LDHC: variants seen among roughly 807,000 people sequenced by gnomAD.
LDHC encodes the protein L-lactate dehydrogenase C chain.
A neutral mutation model predicts 30.2 loss-of-function variants in LDHC; 20 were observed. The observed-to-expected ratio is 0.66, with a 90% CI of 0.47 to 0.96. The LOEUF is 0.96. Ranked by LOEUF, LDHC falls within the 40% of genes least tolerant of loss-of-function variation. The probability of loss-of-function intolerance (pLI) is 0.00; values close to 1 mark genes in which losing one functional copy is unlikely to be tolerated. For missense variants in LDHC, 362 were observed against 394.9 expected (o/e 0.92, Z 0.71); for synonymous variants, 139 against 132.7 (o/e 1.05, Z -0.32).
At chr11:18,420,658 A>G (rs2134049625) in intron 3 of LDHC, among the ~76,000 whole-genome samples, 1 of 151,506 alleles carries the variant, frequency 6.6e-6, no homozygotes, top group East Asian at 1.9e-4. Flanking sequence ...AAAAAAAAAA[A>G]AAAAAAAGGA....
At chr11:18,447,617 T>C (rs1057233919) in intron 7 of LDHC, among the ~76,000 whole-genome samples, 5 of 152,202 alleles carry the variant, frequency 3.3e-5, no homozygotes, top group African/African-American at 1.2e-4. Flanking sequence ...CAGGGAAGAC[T>C]GTGAGCCATG....
At chr11:18,412,968 T>A in intron 2 of LDHC, 125 bp downstream of exon 2, 1 of 428,458 alleles carries the variant, frequency 2.3e-6, no homozygotes, top group Non-Finnish European at 4.0e-6. Context: ...TGACCTTTCC[T>A]CCCTCCCTCC....
chr11:18,412,893 G>C (rs1441878845), intron 2 of LDHC, 50 bp downstream of exon 2: 1 of 1,581,180 alleles, frequency 6.3e-7, no homozygotes, highest in African/African-American at 1.3e-5. Context: ...GCACTTCAGA[G>C]TGTTGTATAT....
intron 6 of LDHC, among the ~76,000 whole-genome samples, chr11:18,443,460 CTTTTTTT>C (rs34546967): frequency 7.4e-6 from 1 of 135,758 alleles, no homozygotes; most frequent in Admixed American, 7.5e-5. Context: ...TTCTTTCTTT[CTTTTTTT>C]TTTTTTTTTT....
chr11:18,448,754 T>G (rs1312581182), intron 7 of LDHC, among the ~76,000 whole-genome samples: 1 of 151,930 alleles, frequency 6.6e-6, no homozygotes, highest in African/African-American at 2.4e-5. Flanking sequence ...GATTTTTTTT[T>G]TGTGTGTCAA....
intron 7 of LDHC, among the ~76,000 whole-genome samples, chr11:18,448,603 C>T (rs1014049015): frequency 2.0e-5 from 3 of 152,138 alleles, no homozygotes; most frequent in African/African-American, 7.2e-5. Flanking sequence ...TTATAGGGAA[C>T]ATTTAAACAT....
chr11:18,441,850 G>A (rs1264709191), intron 6 of LDHC, among the ~76,000 whole-genome samples: 3 of 152,086 alleles, frequency 2.0e-5, no homozygotes, highest in East Asian at 3.9e-4. Flanking sequence ...AGGTTGCTGT[G>A]AGTTGAGGTT....
At position 18,446,270 on chromosome 11, in the gene LDHC, G is replaced by A; in HGVS notation, c.771G>A (p.Met257Ile). The A allele has an allele frequency of 1.2e-6, 2 of 1,600,446 alleles. No individual in the cohort carries two copies. The change falls in exon 7 of 8, where the codon ATG (methionine) becomes ATA (isoleucine). Residue 257 changes from methionine to isoleucine, a missense_variant. Met to Ile is a conservative substitution (Grantham distance 10). Transcript: ENST00000541669. ...CTTGGGCTATTGGACTGTCTGTGAT[G>A]GATTTGGTAGGATCCATTTTGAAAA... The part of the protein sequence containing the change: ...YTSWAIGLSV[M>I]DLVGSILKNL...
chr11:18,449,461 A>G (rs1266697257), intron 7 of LDHC, among the ~76,000 whole-genome samples: 2 of 140,692 alleles, frequency 1.4e-5, no homozygotes, highest in East Asian at 2.1e-4. Flanking sequence ...AAAAAAAAAA[A>G]GAGGATAGGG....
chr11:18,428,106 A>G (rs1324852508), intron 3 of LDHC, among the ~76,000 whole-genome samples: 2 of 151,712 alleles, frequency 1.3e-5, no homozygotes, highest in Non-Finnish European at 2.9e-5. Flanking sequence ...ATCACCATAA[A>G]TGAAGATGTG....
Position 18,438,574 on chromosome 11 carries a change from T to C in LDHC, c.639T>C (p.Thr213=), listed in dbSNP as rs61751708. The C allele has an allele frequency of 1.2e-6, 2 of 1,613,594 alleles. No individual in the cohort carries two copies. The highest frequency in any genetic ancestry group is 8.5e-7 in the Non-Finnish European group (1 of 1,179,506). Residue 213 remains threonine, a synonymous_variant, in exon 6 of 8, where the codon ACT becomes ACC. Coordinates refer to ENST00000541669, the MANE Select transcript of LDHC (RefSeq NM_017448.5). ...GVNVAGVALK[T]LDPKLGTDSD... is the part of the protein sequence containing the mutation. Reference sequence around the variant, plus strand: ...ATGTTGCTGGTGTTGCTCTGAAGACTCTGGACCCTAAATTAGGAACGGATT... The same window carrying C: ...ATGTTGCTGGTGTTGCTCTGAAGACCCTGGACCCTAAATTAGGAACGGATT...
At chr11:18,413,094 C>CT (rs1012240512) in intron 2 of LDHC, among the ~76,000 whole-genome samples, 1 of 119,382 alleles carries the variant, frequency 8.4e-6, no homozygotes, top group African/African-American at 3.2e-5. Context: ...TTTTCTTTTT[C>CT]TTTTTTTGAG....
At position 18,448,472 on chromosome 11, in the gene LDHC, A is replaced by G. The variant is rs527514241; in HGVS notation, c.834+2139A>G. 4.1e-4 allele frequency among the ~76,000 whole-genome samples: 62 copies of G among 152,092 alleles called. 1 individual carries two copies. The South Asian group carries it at 6.9e-3, about 17-fold the overall frequency. On this transcript the variant is annotated intron_variant, in intron 7 of 7. Transcript: ENST00000541669. Reference sequence around the variant, plus strand: ...CTATTTTTTGTATTTTTAGTAGAGAAGGGGTTTTGTGCTGCTGCCAGGCTG... The same window carrying G: ...CTATTTTTTGTATTTTTAGTAGAGAGGGGGTTTTGTGCTGCTGCCAGGCTG...
intron 3 of LDHC, among the ~76,000 whole-genome samples, chr11:18,422,948 C>T (rs1038699786): frequency 6.6e-6 from 1 of 151,696 alleles, no homozygotes; most frequent in Non-Finnish European, 1.5e-5. Context: ...CGCCATTGCA[C>T]TCCAGCCTGG....
chr11:18,419,228 A>G, intron 3 of LDHC, among the ~76,000 whole-genome samples: 1 of 152,162 alleles, frequency 6.6e-6, no homozygotes, highest in East Asian at 1.9e-4. Context: ...GCCACAGACA[A>G]TAATACATAA....
In LDHC at chr11:18,426,643, C is replaced by T. The variant is rs567006618; in HGVS notation, c.245-3094C>T. ...GATTAAGTTAGGGGTTTAAATAAGA[C>T]ATAACCATGAGAAGATAACATATGC... On this transcript the variant is annotated intron_variant, in intron 3 of 7. Transcript: ENST00000541669. Among the ~76,000 whole-genome samples, 22 of 151,528 alleles carry T rather than the reference C, an allele frequency of 1.5e-4. No homozygotes were observed. The East Asian group carries it at 2.9e-3, about 20-fold the overall frequency.
intron 3 of LDHC, among the ~76,000 whole-genome samples, chr11:18,427,697 A>G (rs1336762650): frequency 1.8e-5 from 2 of 113,988 alleles, no homozygotes; most frequent in African/African-American, 6.7e-5. Context: ...TTTTTTTTTG[A>G]GATGGAGTCT....
intron 3 of LDHC, among the ~76,000 whole-genome samples, chr11:18,419,268 A>G (rs915481920): frequency 2.6e-5 from 4 of 152,222 alleles, no homozygotes; most frequent in Non-Finnish European, 5.9e-5. Flanking sequence ...GTGAGACTCT[A>G]TTTACCAAAC....
chr11:18,436,540 G>A (rs1474711413), intron 5 of LDHC, among the ~76,000 whole-genome samples: 1 of 137,664 alleles, frequency 7.3e-6, no homozygotes, highest in African/African-American at 2.7e-5. Flanking sequence ...AGGCTGGAGT[G>A]CAATGGTGTG....
Sources: gnomAD v4.1 joint callset for allele counts (sites outside exome capture counted in the v4.1 genomes callset) on GRCh38, gnomAD v4.1.1 for gene constraint, MANE v1.5 for transcripts, NCBI Gene and HGNC (gene_info 2026-07-23, HGNC 2026-07-21) for gene names.